PRELID2: variants seen among roughly 807,000 people sequenced by gnomAD.
PRELID2 encodes the protein PRELI domain containing 2.
A neutral mutation model predicts 28.4 loss-of-function variants in PRELID2; 25 were observed. That is an observed-to-expected ratio of 0.88 (90% CI 0.64 to 1.23). PRELID2 has a LOEUF of 1.23. PRELID2 is among the 50% of genes most tolerant of loss of function. The probability of loss-of-function intolerance (pLI) is 0.00; values close to 1 mark genes in which losing one functional copy is unlikely to be tolerated. For missense variants in PRELID2, 201 were observed against 214.4 expected (o/e 0.94, Z 0.39); for synonymous variants, 76 against 71.6 (o/e 1.06, Z -0.31).
the PRELID2 span, among the ~76,000 whole-genome samples, chr5:145,245,413 A>AAGAGAAAG: frequency 6.8e-6 from 1 of 148,084 alleles, no homozygotes; most frequent in African/African-American, 2.5e-5. Context: ...AAGAAAGAGA[A>AAGAGAAAG]AGAGAGAGAG....
In PRELID2 at chr5:145,516,322, T is replaced by C. The variant is rs551915104; in HGVS notation, n.71-43007A>G. On this transcript the variant is annotated intron_variant and non_coding_transcript_variant, in intron 1 of 2. Coordinates refer to the PRELID2 transcript ENST00000510259. ...AGGATACAAAATCAATGTGCAAAAA[T>C]CACAAACATTTCTATACACCAATAA... 4.6e-5 allele frequency among the ~76,000 whole-genome samples: 7 copies of C among 152,160 alleles called. No individual in the cohort carries two copies. The South Asian group carries it at 1.2e-3, about 27-fold the overall frequency.
At chr5:145,340,885 C>T in the PRELID2 span, among the ~76,000 whole-genome samples, 1 of 150,854 alleles carries the variant, frequency 6.6e-6, no homozygotes, top group Non-Finnish European at 1.5e-5. Context: ...ACTGCCACCA[C>T]TAGGGCCCAA....
At position 145,705,195 on chromosome 5, in the gene PRELID2, C is replaced by CT. The variant is rs199698718; in HGVS notation, n.70+59735dup. 6.2e-3 allele frequency among the ~76,000 whole-genome samples: 894 copies of CT among 144,762 alleles called. 2 individuals carry two copies. Among genetic ancestry groups the CT allele is most frequent in the Non-Finnish European group, 8.4e-3 (554 of 65,614 alleles). 95.0% of individuals were successfully genotyped at this position (144,762 alleles called of 152,430 possible). A position where few individuals can be genotyped will look rare whatever the true frequency, so the allele number is the denominator to read the frequency against. On this transcript the variant is annotated intron_variant and non_coding_transcript_variant, in intron 1 of 2. Coordinates refer to the PRELID2 transcript ENST00000510259. ...CAACAGATCTGAACCCAAAAAGTACCTTTTTTTTTTTTTGAGATGGAGTCT... is the reference window on the plus strand; with the variant it reads ...CAACAGATCTGAACCCAAAAAGTACCTTTTTTTTTTTTTTGAGATGGAGTCT...
chr5:145,628,472 T>A (rs530669568), intron 1 of PRELID2, among the ~76,000 whole-genome samples: 151 of 152,226 alleles, frequency 9.9e-4, no homozygotes, highest in African/African-American at 3.6e-3. Context: ...TACAGGTATA[T>A]GCCACCATGC....
At chr5:145,770,783 AATAAGGAT>A (rs1242128655) in intron 5 of PRELID2, among the ~76,000 whole-genome samples, 8 of 152,276 alleles carry the variant, frequency 5.3e-5, no homozygotes, top group African/African-American at 9.6e-5. Context: ...AAGTTTCTAG[AATAAGGAT>A]ATAAAGCAAA....
the PRELID2 span, among the ~76,000 whole-genome samples, chr5:145,286,716 G>T: frequency 7.7e-3 from 486 of 62,762 alleles, 2 homozygotes; most frequent in Middle Eastern, 0.029. Flanking sequence ...TTTTTTGTTT[G>T]TTTGTTTGTT....
intron 1 of PRELID2, among the ~76,000 whole-genome samples, chr5:145,740,672 T>C (rs1756660526): frequency 1.6e-5 from 1 of 60,652 alleles, no homozygotes; most frequent in Admixed American, 2.8e-4. Context: ...AAAATAAATA[T>C]ATATTTTATA....
At chr5:145,828,809 T>C (rs964381964) in intron 1 of PRELID2, among the ~76,000 whole-genome samples, 1 of 150,712 alleles carries the variant, frequency 6.6e-6, no homozygotes, top group Admixed American at 6.6e-5. Flanking sequence ...GACAGGTCCA[T>C]GTACTTAGAT....
chr5:145,514,774 A>G (rs925712322), intron 1 of PRELID2, among the ~76,000 whole-genome samples: 23 of 152,084 alleles, frequency 1.5e-4, no homozygotes, highest in Non-Finnish European at 1.5e-5. Context: ...CAAATGCAAA[A>G]AAAAAGAAAG....
At chr5:145,744,091 G>A (rs1025741222) in intron 1 of PRELID2, among the ~76,000 whole-genome samples, 1 of 152,180 alleles carries the variant, frequency 6.6e-6, no homozygotes, top group Non-Finnish European at 1.5e-5. Context: ...GCCTGACCCT[G>A]ACTCATCCTT....
the PRELID2 span, among the ~76,000 whole-genome samples, chr5:145,384,307 T>A: frequency 6.6e-6 from 1 of 152,176 alleles, no homozygotes; most frequent in Non-Finnish European, 1.5e-5. Flanking sequence ...CGTTTCACAA[T>A]ATATTCAAAA....
At chr5:145,343,980 A>C in the PRELID2 span, among the ~76,000 whole-genome samples, 3 of 152,030 alleles carry the variant, frequency 2.0e-5, no homozygotes, top group African/African-American at 7.2e-5. Context: ...AGAAAACCTA[A>C]ATAGACATAA....
chr5:145,433,451 T>C, the PRELID2 span, among the ~76,000 whole-genome samples: 4 of 152,200 alleles, frequency 2.6e-5, no homozygotes, highest in Admixed American at 2.0e-4. Context: ...ATAGGGAAAC[T>C]GGAAGGCAGG....
intron 1 of PRELID2, among the ~76,000 whole-genome samples, chr5:145,642,162 C>T (rs1208748593): frequency 6.6e-6 from 1 of 150,864 alleles, no homozygotes; most frequent in Non-Finnish European, 1.5e-5. Context: ...TTCTCCACAT[C>T]CTCTCTAGCA....
Position 145,565,934 on chromosome 5 carries a change from T to C in PRELID2, n.71-92619A>G, listed in dbSNP as rs545183260. Among the ~76,000 whole-genome samples the C allele has an allele frequency of 1.8e-4, 28 of 152,326 alleles. 2 individuals carry two copies. The South Asian group carries it at 5.6e-3, about 30-fold the overall frequency. ...AAATGTCTAAGGCAATATAATCTCT[T>C]AACGTAGATAGAATGACCACATGGA... On this transcript the variant is annotated intron_variant and non_coding_transcript_variant, in intron 1 of 2. Coordinates refer to the PRELID2 transcript ENST00000510259.
At chr5:145,354,396 T>C in the PRELID2 span, among the ~76,000 whole-genome samples, 3 of 152,178 alleles carry the variant, frequency 2.0e-5, no homozygotes, top group South Asian at 2.1e-4. Flanking sequence ...AGAGGAGCTA[T>C]GAGGTAACAA....
At chr5:145,478,714 A>T (rs771792109) in intron 1 of PRELID2, among the ~76,000 whole-genome samples, 5 of 152,140 alleles carry the variant, frequency 3.3e-5, no homozygotes, top group South Asian at 2.1e-4. Flanking sequence ...ACTGCTATAA[A>T]GTTTAGAATT....
chr5:145,459,441 G>C, the PRELID2 span, among the ~76,000 whole-genome samples: 3 of 151,734 alleles, frequency 2.0e-5, no homozygotes, highest in South Asian at 6.2e-4. Context: ...AGTATACCTA[G>C]AAAAGTCAAA....
At chr5:145,770,939 A>C (rs1319402231) in intron 5 of PRELID2, among the ~76,000 whole-genome samples, 2 of 152,188 alleles carry the variant, frequency 1.3e-5, no homozygotes, top group East Asian at 3.8e-4. Context: ...TTGAATAAAC[A>C]AAAGTATTTG....
Sources: allele counts gnomAD v4.1 joint callset (sites outside exome capture counted in the v4.1 genomes callset), GRCh38; gene constraint gnomAD v4.1.1; transcripts MANE v1.5; gene names NCBI Gene and HGNC (gene_info 2026-07-23, HGNC 2026-07-21).